The following GRIN2B variants were observed in gnomAD, a reference collection of about 807,000 sequenced individuals.
GRIN2B encodes the protein glutamate receptor ionotropic, NMDA 2B.
In GRIN2B, 5 loss-of-function variants were observed where a neutral mutation model predicts 114.5. The observed-to-expected ratio is 0.04, with a 90% confidence interval of 0.02 to 0.09. The LOEUF (loss-of-function observed/expected upper bound fraction) is 0.09, where lower values mean the gene tolerates loss of function less well. GRIN2B is among the 10% of genes least tolerant of loss of function. The pLI is 1.00. For synonymous variants in GRIN2B, 787 were observed against 745.1 expected, an observed-to-expected ratio of 1.06 and a Z score of -0.92; for missense variants, 1,108 against 1,943.5, an observed-to-expected ratio of 0.57 and a Z score of 8.08.
At chr12:13,891,454 T>C (rs972106369) in intron 2 of GRIN2B, among the ~76,000 whole-genome samples, 2 of 152,178 alleles carry the variant, frequency 1.3e-5, no homozygotes, top group African/African-American at 2.4e-5. Flanking sequence ...CATTGTTTAG[T>C]GCATATCTAT....
intron 2 of GRIN2B, among the ~76,000 whole-genome samples, chr12:13,938,523 T>C (rs1867170991): frequency 6.6e-6 from 1 of 152,146 alleles, no homozygotes; most frequent in Admixed American, 6.6e-5. Flanking sequence ...AGTAAACAAA[T>C]TGTGGTATAT....
chr12:13,964,975 G>A (rs1049444058), intron 2 of GRIN2B, among the ~76,000 whole-genome samples: 18 of 152,178 alleles, frequency 1.2e-4, no homozygotes, highest in Non-Finnish European at 1.5e-5. Context: ...AGCTCCCCCA[G>A]GTGAGAACCA....
At chr12:13,869,063 C>A (rs754067155) in intron 2 of GRIN2B, among the ~76,000 whole-genome samples, 1 of 152,140 alleles carries the variant, frequency 6.6e-6, no homozygotes, top group Non-Finnish European at 1.5e-5. Flanking sequence ...TTCCTTTGGG[C>A]TCTCACCATA....
At chr12:13,593,110 G>T (rs910074136) in intron 10 of GRIN2B, among the ~76,000 whole-genome samples, 1 of 152,078 alleles carries the variant, frequency 6.6e-6, no homozygotes, top group Non-Finnish European at 1.5e-5. Flanking sequence ...TCATCAGAAC[G>T]GCCATTCTGT....
In GRIN2B at chr12:13,980,181, C is replaced by T. The variant is rs1863106109; in HGVS notation, c.-272G>A. ...GGAGAGCAGCTCACAATGCAGAATCCAGAGTAATTATTCCGTGTGCATGTG... is the reference window on the plus strand; with the variant it reads ...GGAGAGCAGCTCACAATGCAGAATCTAGAGTAATTATTCCGTGTGCATGTG... On this transcript the variant is annotated 5_prime_UTR_variant, in exon 2 of 14. Transcript: ENST00000609686. 6.6e-6 allele frequency: 1 copy of T among 152,018 alleles called. No individual in the cohort carries two copies. Among genetic ancestry groups the T allele is most frequent in the Admixed American group, 6.5e-5 (1 of 15,268 alleles). 9.4% of individuals were successfully genotyped at this position (152,018 alleles called of 1,614,324 possible). A position where few individuals can be genotyped will look rare whatever the true frequency, so the allele number is the denominator to read the frequency against.
intron 4 of GRIN2B, among the ~76,000 whole-genome samples, chr12:13,750,611 T>C (rs1342186132): frequency 1.3e-5 from 2 of 152,198 alleles, no homozygotes; most frequent in African/African-American, 4.8e-5. Context: ...CTGAATCAGA[T>C]TTGAATTTAA....
intron 2 of GRIN2B, among the ~76,000 whole-genome samples, chr12:13,875,900 C>T (rs932290967): frequency 2.6e-5 from 4 of 152,040 alleles, no homozygotes; most frequent in African/African-American, 9.7e-5. Context: ...AGACAGGATC[C>T]AACACAGAAT....
intron 3 of GRIN2B, among the ~76,000 whole-genome samples, chr12:13,766,985 G>A (rs111476994): frequency 6.6e-6 from 1 of 152,164 alleles, no homozygotes; most frequent in African/African-American, 2.4e-5. Context: ...GGCCGGGCAC[G>A]GTGGCTCACG....
chr12:13,778,292 A>G (rs1864042992), intron 3 of GRIN2B, among the ~76,000 whole-genome samples: 1 of 152,206 alleles, frequency 6.6e-6, no homozygotes, highest in Non-Finnish European at 1.5e-5. Context: ...GGATTTTTCA[A>G]GTTGTTTCTT....
intron 4 of GRIN2B, among the ~76,000 whole-genome samples, chr12:13,698,143 T>A: frequency 6.6e-6 from 1 of 152,224 alleles, no homozygotes; most frequent in East Asian, 1.9e-4. Context: ...GATGAGGCAA[T>A]GAGTGGATAA....
At chr12:13,580,530 C>T (rs1406421024) in intron 10 of GRIN2B, among the ~76,000 whole-genome samples, 1 of 152,192 alleles carries the variant, frequency 6.6e-6, no homozygotes, top group Non-Finnish European at 1.5e-5. Context: ...TGCCACTCAG[C>T]CCTTCCAGGC....
chr12:13,764,655 A>G (rs1280333573), intron 3 of GRIN2B, among the ~76,000 whole-genome samples: 2 of 152,158 alleles, frequency 1.3e-5, no homozygotes, highest in Non-Finnish European at 2.9e-5. Context: ...AGAATGGTCT[A>G]TTTACTCATT....
At chr12:13,796,269 C>G (rs1358985366) in intron 3 of GRIN2B, among the ~76,000 whole-genome samples, 1 of 152,070 alleles carries the variant, frequency 6.6e-6, no homozygotes, top group African/African-American at 2.4e-5. Flanking sequence ...AAAACTTGAC[C>G]AATTGCAGAC....
chr12:13,913,310 G>A (rs776282534), intron 2 of GRIN2B, among the ~76,000 whole-genome samples: 1 of 152,052 alleles, frequency 6.6e-6, no homozygotes, highest in Non-Finnish European at 1.5e-5. Context: ...CACCCTACTC[G>A]CACACAACCA....
At chr12:13,967,952 G>C (rs1867815165) in intron 2 of GRIN2B, among the ~76,000 whole-genome samples, 1 of 152,154 alleles carries the variant, frequency 6.6e-6, no homozygotes, top group Non-Finnish European at 1.5e-5. Context: ...TTACTTCTTG[G>C]ATCATGTAAA....
chr12:13,798,988 G>A (rs1255310411), intron 3 of GRIN2B, among the ~76,000 whole-genome samples: 1 of 152,178 alleles, frequency 6.6e-6, no homozygotes, highest in Non-Finnish European at 1.5e-5. Context: ...ATTAATTAAT[G>A]TTAGTGTTTG....
rs1225505219 is a variant in GRIN2B, at chr12:13,563,248, G to T, written c.3990C>A (p.Phe1330Leu). The T allele has an allele frequency of 6.2e-7, 1 of 1,614,246 alleles. No individual in the cohort carries two copies. Among genetic ancestry groups the T allele is most frequent in the Admixed American group, 1.7e-5 (1 of 60,034 alleles). The stretch of plus-strand genomic sequence containing the variant: ...TGTGGGCGTAGGGGCTCCCATCCAT[G>T]AATCGGCCCTTGTCTTTCAGGCTTA... ...RSVSLKDKGR[F>L]MDGSPYAHMF... Residue 1330 changes from phenylalanine to leucine, a missense_variant, in exon 14 of 14, where the codon TTC becomes TTA. By Grantham distance (22) the Phe-to-Leu change is conservative (BLOSUM62 0). Around this residue, in one of 19 missense-constraint regions of GRIN2B, gnomAD observed 478 missense variants for 506.0 expected, o/e 0.94. Transcript: ENST00000609686.
At chr12:13,793,307 T>C (rs1244040230) in intron 3 of GRIN2B, among the ~76,000 whole-genome samples, 1 of 151,978 alleles carries the variant, frequency 6.6e-6, no homozygotes, top group Non-Finnish European at 1.5e-5. Flanking sequence ...TATAGTCCCA[T>C]CTACTCGGGA....
At chr12:13,878,500 T>C (rs1395171283) in intron 2 of GRIN2B, among the ~76,000 whole-genome samples, 1 of 152,238 alleles carries the variant, frequency 6.6e-6, no homozygotes, top group Non-Finnish European at 1.5e-5. Flanking sequence ...AAATAGCCCT[T>C]TGACTGAACT....
Sources: allele counts gnomAD v4.1 joint callset (sites outside exome capture counted in the v4.1 genomes callset), GRCh38; gene constraint gnomAD v4.1.1; regional missense constraint gnomAD v4.1.1; transcripts MANE v1.5; gene names NCBI Gene and HGNC (gene_info 2026-07-23, HGNC 2026-07-21).